TMEM131: variants seen among roughly 807,000 people sequenced by gnomAD.
TMEM131 encodes the protein transmembrane protein 131, also known as 2610524E03Rik.
Under a neutral mutation model 211.6 loss-of-function variants are expected in TMEM131, and 66 were observed. The ratio of observed to expected loss-of-function variants is 0.31; its 90% confidence interval spans 0.26 to 0.38. The LOEUF (loss-of-function observed/expected upper bound fraction) is 0.38. Among genes scored for constraint, TMEM131 ranks in the 10% least tolerant of loss-of-function variants. The pLI is 1.00. For synonymous variants in TMEM131, 844 were observed against 841.3 expected, an observed-to-expected ratio of 1.00 and a Z score of -0.06; for missense variants, 2,036 against 2,299.3, an observed-to-expected ratio of 0.89 and a Z score of 2.34.
intron 2 of TMEM131, 133 bp from the exon 3 acceptor site, chr2:97,908,831 T>C: frequency 1.6e-6 from 1 of 639,992 alleles, no homozygotes; most frequent in Non-Finnish European, 2.6e-6. Flanking sequence ...AGGTTAAACC[T>C]GGTCTCCAAA....
At chr2:97,970,653 G>C (rs1370490069) in intron 1 of TMEM131, among the ~76,000 whole-genome samples, 5 of 152,306 alleles carry the variant, frequency 3.3e-5, no homozygotes, top group African/African-American at 9.6e-5. Context: ...TGGAAGAGCA[G>C]GTGCTCTGCT....
chr2:97,763,915 G>C (rs570973765), intron 35 of TMEM131: 1 of 152,336 alleles, frequency 6.6e-6, no homozygotes, highest in South Asian at 2.1e-4. Context: ...AGGAGTGAAG[G>C]GGAGACTCTG....
chr2:97,947,363 T>C (rs1231526127), intron 1 of TMEM131, among the ~76,000 whole-genome samples: 2 of 152,026 alleles, frequency 1.3e-5, no homozygotes, highest in Non-Finnish European at 2.9e-5. Context: ...TCTGGTACAA[T>C]TTTTACAGGT....
At chr2:97,937,477 G>A (rs1227895942) in intron 1 of TMEM131, among the ~76,000 whole-genome samples, 1 of 152,082 alleles carries the variant, frequency 6.6e-6, no homozygotes, top group Admixed American at 6.5e-5. Flanking sequence ...AAGGCATGAA[G>A]AATATTTGAA....
intron 1 of TMEM131, among the ~76,000 whole-genome samples, chr2:97,935,123 A>G (rs1677388095): frequency 6.6e-6 from 1 of 152,234 alleles, no homozygotes; most frequent in African/African-American, 2.4e-5. Context: ...ATATTTAACA[A>G]AAGTCTAAAG....
chr2:97,893,725 T>C (rs1398626813), intron 3 of TMEM131, among the ~76,000 whole-genome samples: 4 of 146,356 alleles, frequency 2.7e-5, no homozygotes, highest in African/African-American at 9.9e-5. Context: ...CTTCACCCAC[T>C]TTTTGATGGT....
At chr2:97,848,467 C>T (rs1322524609) in intron 5 of TMEM131, among the ~76,000 whole-genome samples, 1 of 152,160 alleles carries the variant, frequency 6.6e-6, no homozygotes, top group Non-Finnish European at 1.5e-5. Flanking sequence ...CTATGCCTAT[C>T]CTCCTGGCTA....
At chr2:97,992,798 T>C (rs1201060023) in intron 1 of TMEM131, among the ~76,000 whole-genome samples, 2 of 152,228 alleles carry the variant, frequency 1.3e-5, no homozygotes, top group Non-Finnish European at 2.9e-5. Flanking sequence ...ATTCTCAGTA[T>C]CTAGATGTTA....
At position 97,837,179 on chromosome 2, in the gene TMEM131, T is replaced by C. The variant is rs752938290; in HGVS notation, c.724-22A>G. On this transcript the variant is annotated intron_variant, in intron 7 of 40. Coordinates refer to ENST00000186436, the MANE Select transcript of TMEM131 (RefSeq NM_015348.2). Reference sequence around the variant, plus strand: ...CAACCTGGGGCAAAAGAGCACATGATGGCTACGTTCAAAGTCATATTCTCA... The same window carrying C: ...CAACCTGGGGCAAAAGAGCACATGACGGCTACGTTCAAAGTCATATTCTCA... 9 of 1,562,158 alleles carry C rather than the reference T, an allele frequency of 5.8e-6. No homozygotes were observed. In the Admixed American group the frequency reaches 1.0e-4, roughly 17 times the overall value.
At position 97,873,577 on chromosome 2, in the gene TMEM131, G is replaced by A. The variant is rs189226883; in HGVS notation, c.360-14150C>T. On this transcript the variant is annotated intron_variant, in intron 4 of 40. Transcript: ENST00000186436. ...ATCAGGCAGCAATCTTTGCTGTTCT[G>A]CAGCCTCCGCTGCTGATACCAAGGC... is the stretch of plus-strand genomic sequence containing the variant. Among the ~76,000 whole-genome samples the A allele has an allele frequency of 1.0e-3, 158 of 152,346 alleles. 1 individual carries two copies. The highest frequency in any genetic ancestry group is 3.4e-3 in the Middle Eastern group (1 of 294).
chr2:97,994,528 G>A (rs1183097180), intron 1 of TMEM131, among the ~76,000 whole-genome samples: 1 of 151,978 alleles, frequency 6.6e-6, no homozygotes, highest in Non-Finnish European at 1.5e-5. Flanking sequence ...TAAAATTACC[G>A]TGGCAAGAAA....
At chr2:97,889,147 G>A (rs1204716962) in intron 3 of TMEM131, among the ~76,000 whole-genome samples, 1 of 152,190 alleles carries the variant, frequency 6.6e-6, no homozygotes, top group Non-Finnish European at 1.5e-5. Flanking sequence ...TAATTTAGCT[G>A]AAGGTAATAA....
In TMEM131 at chr2:97,938,309, G is replaced by A. The variant is rs1443579405; in HGVS notation, c.188-10822C>T. On this transcript the variant is annotated intron_variant, in intron 1 of 40. Coordinates refer to ENST00000186436, the MANE Select transcript of TMEM131 (RefSeq NM_015348.2). ...ATCTCACCTGCAGAGACACACATAGGCTCAAAATAAAGGGGTGGAGGAAAA... is the reference window on the plus strand; with the variant it reads ...ATCTCACCTGCAGAGACACACATAGACTCAAAATAAAGGGGTGGAGGAAAA... 2.6e-5 allele frequency among the ~76,000 whole-genome samples: 4 copies of A among 152,072 alleles called. No individual in the cohort carries two copies. In the East Asian group the frequency reaches 7.7e-4, roughly 29 times the overall value.
rs1192965542 is a variant in TMEM131 at position 97,759,706 on chromosome 2, A to C, written c.5152T>G (p.Phe1718Val). The change falls in exon 39 of 41, where the codon TTC becomes GTC. Residue 1718 changes from phenylalanine (F) to valine (V), a missense_variant. Physicochemically the swap from Phe to Val is conservative, Grantham distance 50. Around this residue, in one of 3 missense-constraint regions of TMEM131, gnomAD observed 1,623 missense variants for 1,805.9 expected, o/e 0.90. Coordinates refer to ENST00000186436, the MANE Select transcript of TMEM131 (RefSeq NM_015348.2). ...SPVSNPSSPDFTPLNSFSAFG... is the reference protein window; with the variant it reads ...SPVSNPSSPDVTPLNSFSAFG... Reference sequence around the variant, plus strand: ...GCGGAGAACGAATTGAGGGGAGTGAAGTCAGGGCTGCTTGGGTTGCTGACG... The same window carrying C: ...GCGGAGAACGAATTGAGGGGAGTGACGTCAGGGCTGCTTGGGTTGCTGACG... 4 of 1,613,654 alleles carry C rather than the reference A, an allele frequency of 2.5e-6. No individual in the cohort carries two copies. The highest frequency in any genetic ancestry group is 1.7e-5 in the Admixed American group (1 of 59,968).
At chr2:97,922,993 T>C (rs1451401258) in intron 2 of TMEM131, among the ~76,000 whole-genome samples, 1 of 152,178 alleles carries the variant, frequency 6.6e-6, no homozygotes, top group Admixed American at 6.5e-5. Context: ...ATTCCATTTA[T>C]AAAACATGGC....
At chr2:97,787,465 A>T (rs1181189919) in intron 31 of TMEM131, among the ~76,000 whole-genome samples, 1 of 152,072 alleles carries the variant, frequency 6.6e-6, no homozygotes, top group African/African-American at 2.4e-5. Context: ...ACCAACTGTG[A>T]CCTCCAGAAA....
intron 11 of TMEM131, among the ~76,000 whole-genome samples, chr2:97,821,144 T>G (rs980619699): frequency 2.0e-5 from 3 of 152,142 alleles, no homozygotes; most frequent in African/African-American, 4.8e-5. Flanking sequence ...CTTGGAGAAC[T>G]TTTTTGTCTA....
At chr2:97,895,051 A>C (rs1426473476) in intron 3 of TMEM131, among the ~76,000 whole-genome samples, 2 of 152,068 alleles carry the variant, frequency 1.3e-5, no homozygotes, top group Non-Finnish European at 2.9e-5. Flanking sequence ...TTCCATCAAT[A>C]CCTAATTTAT....
At chr2:97,760,548 G>A in intron 38 of TMEM131, 45 bp downstream of exon 38, 2 of 1,552,494 alleles carry the variant, frequency 1.3e-6, no homozygotes, top group Non-Finnish European at 1.8e-6. Flanking sequence ...AACCCGACTT[G>A]AGAAGCCTTC....
Sources: gnomAD v4.1 joint callset for allele counts (sites outside exome capture counted in the v4.1 genomes callset) on GRCh38, gnomAD v4.1.1 for gene constraint, gnomAD v4.1.1 regional missense constraint, MANE v1.5 for transcripts, NCBI Gene and HGNC (gene_info 2026-07-23, HGNC 2026-07-21) for gene names.